The following ZNF235 variants were observed in gnomAD, a reference collection of about 807,000 sequenced individuals.
The protein encoded by ZNF235 is zinc finger protein 235, also known as zfp-93.
Under a neutral mutation model 29.4 loss-of-function variants are expected in ZNF235, and 25 were observed. The observed-to-expected ratio is 0.85, with a 90% CI of 0.62 to 1.19. The LOEUF (loss-of-function observed/expected upper bound fraction) is 1.19. Ranked by LOEUF, ZNF235 falls within the 50% of genes most tolerant of loss-of-function variation. The probability of loss-of-function intolerance (pLI) is 0.00; values close to 1 mark genes in which losing one functional copy is unlikely to be tolerated. For missense variants in ZNF235, 788 were observed against 885.0 expected (o/e 0.89, Z 1.39); for synonymous variants, 300 against 295.3 (o/e 1.02, Z -0.16).
intron 2 of ZNF235, among the ~76,000 whole-genome samples, chr19:44,300,745 C>A (rs1238688575): frequency 2.0e-5 from 3 of 149,148 alleles, no homozygotes; most frequent in African/African-American, 7.4e-5. Flanking sequence ...GGGGCTGAGG[C>A]AGGAGAATCA....
In ZNF235 at chr19:44,291,203, G is replaced by C. The variant is rs1312860825; in HGVS notation, c.239-2007C>G. ...CAAAAGGAGTCAAGTCATACAAAGGGTATTCTAACCACAACTGATTTAAAT... is the reference window on the plus strand; with the variant it reads ...CAAAAGGAGTCAAGTCATACAAAGGCTATTCTAACCACAACTGATTTAAAT... On this transcript the variant is annotated intron_variant, in intron 4 of 4. Transcript: ENST00000291182. Among the ~76,000 whole-genome samples the C allele has an allele frequency of 2.6e-5, 4 of 152,092 alleles. No individual in the cohort carries two copies. The East Asian group carries it at 7.7e-4, about 29-fold the overall frequency.
At chr19:44,295,093 A>T (rs1227851458) in intron 4 of ZNF235, among the ~76,000 whole-genome samples, 1 of 152,200 alleles carries the variant, frequency 6.6e-6, no homozygotes, top group African/African-American at 2.4e-5. Context: ...CAAAGTAATC[A>T]GGCAAGAGAA....
At chr19:44,292,599 C>T (rs1025720866) in intron 4 of ZNF235, among the ~76,000 whole-genome samples, 3 of 151,550 alleles carry the variant, frequency 2.0e-5, no homozygotes, top group African/African-American at 7.3e-5. Context: ...TATGAAACTA[C>T]ATAAAGCAAC....
chr19:44,295,287 T>C (rs900204383), intron 4 of ZNF235, among the ~76,000 whole-genome samples: 1 of 152,090 alleles, frequency 6.6e-6, no homozygotes, highest in Non-Finnish European at 1.5e-5. Flanking sequence ...AGCATTTCTA[T>C]ACGACAATAA....
chr19:44,286,780 C>A lies in ZNF235; in HGVS notation c.*438G>T, dbSNP rs957878994. On this transcript the variant is annotated 3_prime_UTR_variant, in exon 5 of 5. Transcript: ENST00000291182. ...TTCACTTTCTTCAGTAATTGCTGGG[C>A]CCTATTATGAGCCAAGCACAATTCT... is the stretch of plus-strand genomic sequence containing the variant. 6.5e-6 allele frequency: 1 copy of A among 154,372 alleles called. No homozygotes were observed. Among genetic ancestry groups the A allele is most frequent in the African/African-American group, 2.4e-5 (1 of 41,476 alleles). The allele number at this position is 154,372 out of a possible 1,614,324, so 9.6% of individuals were successfully genotyped here. A position where few individuals can be genotyped will look rare whatever the true frequency, so the allele number is the denominator to read the frequency against.
chr19:44,301,596 G>A (rs1376063695), intron 2 of ZNF235, among the ~76,000 whole-genome samples: 1 of 151,980 alleles, frequency 6.6e-6, no homozygotes, highest in African/African-American at 2.4e-5. Flanking sequence ...TCATCTACAT[G>A]AGTAGCTGGG....
At chr19:44,303,485 A>G in intron 1 of ZNF235, 33 bp from the exon 2 acceptor site, 1 of 1,575,922 alleles carries the variant, frequency 6.3e-7, no homozygotes, top group Non-Finnish European at 8.7e-7. Context: ...GAGATAGGTT[A>G]GGGATGGCAT....
chr19:44,289,552 C>G (rs1404569357), intron 4 of ZNF235: 1 of 168,554 alleles, frequency 5.9e-6, no homozygotes, highest in African/African-American at 2.4e-5. Flanking sequence ...CCTTCGGTAT[C>G]AGGCTTTAGT....
chr19:44,292,514 G>C (rs1487730141), intron 4 of ZNF235, among the ~76,000 whole-genome samples: 1 of 151,048 alleles, frequency 6.6e-6, no homozygotes, highest in Non-Finnish European at 1.5e-5. Flanking sequence ...CTTCAAGACA[G>C]GTCTTTTGAA....
In ZNF235 at chr19:44,301,028, A is replaced by G. The variant is rs16978918; in HGVS notation, c.16-1296T>C. ...CATTTTTTTTTTTAAATCTTGAGTA[A>G]TTTGGTGAGTGATATAAACAGCTAT... On this transcript the variant is annotated intron_variant, in intron 2 of 4. Coordinates refer to ENST00000291182, the MANE Select transcript of ZNF235 (RefSeq NM_004234.4). 3.3e-3 allele frequency among the ~76,000 whole-genome samples: 496 copies of G among 151,990 alleles called. 4 individuals carry two copies. Among genetic ancestry groups the G allele is most frequent in the African/African-American group, 0.012 (477 of 41,432 alleles).
At chr19:44,303,508 C>T in intron 1 of ZNF235, 56 bp from the exon 2 acceptor site, 7 of 1,494,486 alleles carry the variant, frequency 4.7e-6, no homozygotes, top group Non-Finnish European at 6.4e-6. Context: ...GTCACCATGG[C>T]ACTTTTATGT....
rs765781587 is a variant in ZNF235, at chr19:44,287,869, T to C, written c.1566A>G (p.Lys522=). 1.2e-6 allele frequency: 2 copies of C among 1,613,010 alleles called. No homozygotes were observed. The highest frequency in any genetic ancestry group is 1.7e-6 in the Non-Finnish European group (2 of 1,179,706). Residue 522 remains lysine (K), a synonymous_variant, in exon 5 of 5, where the codon AAA becomes AAG. Transcript: ENST00000291182. ...GAAAGTATGAACTCTGACTGAAGCC[T>C]TTCCCACACACGTTGCATCGAAATG... ...EKPFRCNVCG[K]GFSQSSYFQA... is the part of the protein sequence containing the mutation.
rs764431408 is a variant in ZNF235, at chr19:44,288,056, T to C, written c.1379A>G (p.Lys460Arg). 6.2e-7 allele frequency: 1 copy of C among 1,613,936 alleles called. No individual in the cohort carries two copies. Among genetic ancestry groups the C allele is most frequent in the Non-Finnish European group, 8.5e-7 (1 of 1,179,956 alleles). ...QRVHTEEKPYKCDECGKCFSL... is the reference protein window; with the variant it reads ...QRVHTEEKPYRCDECGKCFSL... ...AAAGCACTTACCACACTCATCACAT[T>C]TGTATGGTTTTTCTTCAGTGTGGAC... Residue 460 changes from lysine to arginine, a missense_variant, in exon 5 of 5, where the codon AAA becomes AGA. Transcript: ENST00000291182.
rs545393915 is a variant in ZNF235 at position 44,287,448 on chromosome 19, C to A, written c.1987G>T (p.Glu663Ter). ...KPFKCEECGK[E>*]FSWSAGLSAH... Reference sequence around the variant, plus strand: ...CTGAGACCAGCACTCCAACTGAATTCTTTCCCACATTCCTCACATTTAAAT... The same window carrying A: ...CTGAGACCAGCACTCCAACTGAATTATTTCCCACATTCCTCACATTTAAAT... Residue 663 changes from glutamate to a stop codon, truncating the protein, a stop_gained, in exon 5 of 5, where the codon GAA (glutamate) becomes TAA (stop). Coordinates refer to ENST00000291182, the MANE Select transcript of ZNF235 (RefSeq NM_004234.4). LOFTEE classifies it high-confidence loss of function. The A allele has an allele frequency of 2.2e-5, 36 of 1,613,962 alleles. No homozygotes were observed. In the South Asian group the frequency reaches 3.3e-4, roughly 15 times the overall value.
chr19:44,299,477 C>T, intron 3 of ZNF235, 129 bp downstream of exon 3: 2 of 1,174,766 alleles, frequency 1.7e-6, no homozygotes. Context: ...GGGACAGAGG[C>T]CAGGGATGCC....
rs150853715 is a variant in ZNF235, at chr19:44,296,464, G to A, written c.238+2344C>T. ...TCATTAACAGAAAAAGATGTAAAAT[G>A]AATGTTAAAACTGAACTGAATGGTG... On this transcript the variant is annotated intron_variant, in intron 4 of 4. Transcript: ENST00000291182. Among the ~76,000 whole-genome samples, 489 of 152,256 alleles carry A rather than the reference G, an allele frequency of 3.2e-3. 1 individual carries two copies. The highest frequency in any genetic ancestry group is 0.011 in the African/African-American group (475 of 41,546).
Position 44,288,401 on chromosome 19 carries a change from T to A in ZNF235, c.1034A>T (p.Lys345Ile). 1 of 1,614,192 alleles carries A rather than the reference T, an allele frequency of 6.2e-7. No homozygotes were observed. The highest frequency in any genetic ancestry group is 1.1e-5 in the South Asian group (1 of 91,088). Residue 345 changes from lysine to isoleucine, a missense_variant, in exon 5 of 5, where the codon AAA (lysine) becomes ATA (isoleucine). Transcript: ENST00000291182. ...QTHQRVHTGE[K>I]PYTCHECGKS... ...ACCACACTCGTGGCATGTATAGGGTTTCTCCCCTGTGTGGACTCTCTGATG... is the reference window on the plus strand; with the variant it reads ...ACCACACTCGTGGCATGTATAGGGTATCTCCCCTGTGTGGACTCTCTGATG...
At chr19:44,296,266 T>TA (rs1975653377) in intron 4 of ZNF235, among the ~76,000 whole-genome samples, 1 of 152,196 alleles carries the variant, frequency 6.6e-6, no homozygotes, top group Admixed American at 6.5e-5. Flanking sequence ...TGATAACTGC[T>TA]AAGACAGTAT....
At chr19:44,294,223 T>C (rs535247224) in intron 4 of ZNF235, among the ~76,000 whole-genome samples, 3 of 152,144 alleles carry the variant, frequency 2.0e-5, no homozygotes, top group Non-Finnish European at 4.4e-5. Context: ...AATGAGACAT[T>C]ACAACTAATA....
Sources: allele counts gnomAD v4.1 joint callset (sites outside exome capture counted in the v4.1 genomes callset), GRCh38; gene constraint gnomAD v4.1.1; transcripts MANE v1.5; gene names NCBI Gene and HGNC (gene_info 2026-07-23, HGNC 2026-07-21).